FLT3LG: variants seen among roughly 807,000 people sequenced by gnomAD.
FLT3LG encodes fms-related tyrosine kinase 3 ligand.
In FLT3LG, 8 loss-of-function variants were observed where a neutral mutation model predicts 30.9. The observed-to-expected ratio is 0.26, with a 90% CI of 0.15 to 0.47. FLT3LG has a LOEUF of 0.47. Among genes scored for constraint, FLT3LG ranks in the 20% least tolerant of loss-of-function variants. FLT3LG has a pLI of 0.99. For missense variants in FLT3LG, 278 were observed against 306.2 expected, an observed-to-expected ratio of 0.91 and a Z score of 0.69; for synonymous variants, 123 against 135.9, an observed-to-expected ratio of 0.91 and a Z score of 0.66.
chr19:49,476,637 C>G lies in FLT3LG; in HGVS notation c.342+71C>G. On this transcript the variant is annotated intron_variant, in intron 5 of 8. Coordinates refer to ENST00000597551, the MANE Select transcript of FLT3LG (RefSeq NM_001459.4). This position sits in a 1 kb window ranked among gnomAD's most constrained non-coding sequence, Gnocchi z 5.3. ...CCTACGAATTAGAAGTAAAGCTCCA[C>G]TAGGCCTTATTGGCGATTTGGACCA... 1.3e-6 allele frequency: 2 copies of G among 1,599,396 alleles called. No homozygotes were observed. Among genetic ancestry groups the G allele is most frequent in the East Asian group, 2.2e-5 (1 of 44,778 alleles).
Position 49,476,275 on chromosome 19 carries a change from A to G in FLT3LG, c.198+77A>G. ...GATGCTCCACCGAGGCGAGTGGATA[A>G]CCAGGCCCTCCCCTCCCCAAACCCA... On this transcript the variant is annotated intron_variant, in intron 4 of 8. Transcript: ENST00000597551. The surrounding 1 kb of genome is among the most constrained non-coding windows in gnomAD (Gnocchi z 5.3). 6.9e-7 allele frequency: 1 copy of G among 1,454,802 alleles called. No individual in the cohort carries two copies. The allele number at this position is 1,454,802 out of a possible 1,614,324, so 90.1% of individuals were successfully genotyped here. A position where few individuals can be genotyped will look rare whatever the true frequency, so the allele number is the denominator to read the frequency against.
At chr19:49,475,943 C>A (rs2079379392) in intron 3 of FLT3LG, 142 bp downstream of exon 3, 1 of 1,032,272 alleles carries the variant, frequency 9.7e-7, no homozygotes, top group East Asian at 2.4e-5. Flanking sequence ...ACCTTGGCCT[C>A]CCAAAGTGCT....
At position 49,475,793 on chromosome 19, in the gene FLT3LG, C is replaced by T; in HGVS notation, c.136C>T (p.Arg46Cys). ...CTCCTCCGACTTCGCTGTCAAAATC[C>T]GTGAGCTGGTGAGCGGCGCTGCCCC... The part of the protein sequence containing the change: ...PISSDFAVKI[R>C]ELSDYLLQDY... The change falls in exon 3 of 9, where the codon CGT becomes TGT. Residue 46 changes from arginine to cysteine, a missense_variant. By Grantham distance (180) the Arg-to-Cys change is radical. This residue lies in a region of FLT3LG where 68 missense variants were observed against 110.0 expected (regional missense o/e 0.62). Transcript: ENST00000597551. The T allele has an allele frequency of 4.3e-6, 7 of 1,612,620 alleles. No homozygotes were observed. The highest frequency in any genetic ancestry group is 2.2e-5 in the East Asian group (1 of 44,876).
intron 8 of FLT3LG, 108 bp downstream of exon 8, chr19:49,480,728 A>G (rs1215979422): frequency 1.7e-6 from 2 of 1,188,376 alleles, no homozygotes; most frequent in South Asian, 1.4e-5. Context: ...GGGCAGCTCT[A>G]GGTGCAGAAA....
chr19:49,482,627 AT>A (rs59196692), intron 8 of FLT3LG, among the ~76,000 whole-genome samples: 1,560 of 141,118 alleles, frequency 0.011, 15 homozygotes, highest in Middle Eastern at 0.036. Context: ...TGGTAGCCAC[AT>A]TTTTTTTTTT....
In FLT3LG at chr19:49,480,210, G is replaced by T. The variant is rs1006572284; in HGVS notation, c.482-88G>T. On this transcript the variant is annotated intron_variant, in intron 6 of 8. Coordinates refer to ENST00000597551, the MANE Select transcript of FLT3LG (RefSeq NM_001459.4). ...CAGAGAGGCCAAGCAGCCCATCCAAGGTCACACAGCCAGTGGCAGCCAGGC... is the reference window on the plus strand; with the variant it reads ...CAGAGAGGCCAAGCAGCCCATCCAATGTCACACAGCCAGTGGCAGCCAGGC... 4 of 969,944 alleles carry T rather than the reference G, an allele frequency of 4.1e-6. No individual in the cohort carries two copies. The African/African-American group carries it at 6.6e-5, about 16-fold the overall frequency. The allele number at this position is 969,944 out of a possible 1,614,324, so 60.1% of individuals were successfully genotyped here.
In FLT3LG at chr19:49,474,748, G is replaced by C. The variant is rs1032888118; in HGVS notation, c.33+76G>C. 55 of 1,480,978 alleles carry C rather than the reference G, an allele frequency of 3.7e-5. No homozygotes were observed. The East Asian group carries it at 7.1e-4, about 19-fold the overall frequency. 91.7% of individuals were successfully genotyped at this position (1,480,978 alleles called of 1,614,324 possible). A position where few individuals can be genotyped will look rare whatever the true frequency, so the allele number is the denominator to read the frequency against. On this transcript the variant is annotated intron_variant, in intron 2 of 8. Transcript: ENST00000597551. ...GGATGGGGCAGAGATGAGGGGAGAT[G>C]GACGGGAGAACAGATGGACAGATGA... is the stretch of plus-strand genomic sequence containing the variant.
At chr19:49,483,123 T>G (rs1411824766) in intron 8 of FLT3LG, among the ~76,000 whole-genome samples, 1 of 151,992 alleles carries the variant, frequency 6.6e-6, no homozygotes, top group Non-Finnish European at 1.5e-5. Context: ...ATAGTTTATT[T>G]ATTTATTTAT....
chr19:49,474,349 G>A, intron 1 of FLT3LG, 68 bp downstream of exon 1: 1 of 563,336 alleles, frequency 1.8e-6, no homozygotes, highest in Non-Finnish European at 3.2e-6. Context: ...CTGGGGCAGG[G>A]GGAGCAGAGG....
intron 5 of FLT3LG, among the ~76,000 whole-genome samples, chr19:49,478,090 G>A (rs192408109): frequency 2.6e-5 from 4 of 151,460 alleles, no homozygotes; most frequent in Non-Finnish European, 5.9e-5. Flanking sequence ...CGAGGCGGGC[G>A]AGTCACCTGA....
chr19:49,477,366 C>A (rs2079429020), intron 5 of FLT3LG, among the ~76,000 whole-genome samples: 1 of 151,710 alleles, frequency 6.6e-6, no homozygotes, highest in Non-Finnish European at 1.5e-5. Flanking sequence ...ATCACTTGAG[C>A]CCTGGAGGTC....
At chr19:49,484,181 CCTAT>C (rs759243063) in intron 8 of FLT3LG, among the ~76,000 whole-genome samples, 30 of 150,296 alleles carry the variant, frequency 2.0e-4, no homozygotes, top group African/African-American at 7.0e-4. Flanking sequence ...CCACGCCCAG[CCTAT>C]CTTTTTTTTT....
At chr19:49,480,674 G>C in intron 8 of FLT3LG, 54 bp downstream of exon 8, 1 of 1,531,748 alleles carries the variant, frequency 6.5e-7, no homozygotes, top group Non-Finnish European at 8.9e-7. Flanking sequence ...GGTTGGGAGG[G>C]TCACTAGGAG....
At position 49,476,846 on chromosome 19, in the gene FLT3LG, G is replaced by A. The variant is rs919829924; in HGVS notation, c.342+280G>A. 1 of 407,124 alleles carries A rather than the reference G, an allele frequency of 2.5e-6. No homozygotes were observed. The highest frequency in any genetic ancestry group is 4.5e-6 in the Non-Finnish European group (1 of 223,428). 25.2% of individuals were successfully genotyped at this position (407,124 alleles called of 1,614,324 possible). ...CCCCCAAAAAAAAACAGGGAGAGAA[G>A]GGGTCTCTAAACTGAGGAGGCCGGG... On this transcript the variant is annotated intron_variant, in intron 5 of 8. Transcript: ENST00000597551. This position sits in a 1 kb window ranked among gnomAD's most constrained non-coding sequence, Gnocchi z 5.3.
chr19:49,480,600 C>A lies in FLT3LG; in HGVS notation c.*1C>A. The A allele has an allele frequency of 1.9e-6, 3 of 1,612,462 alleles. No homozygotes were observed. The highest frequency in any genetic ancestry group is 2.5e-6 in the Non-Finnish European group (3 of 1,179,408). The stretch of plus-strand genomic sequence containing the variant: ...GGACCTGCTGCTTGTGGAGCACTGA[C>A]CTGGCCAAGGCCTCATCCTGGTGAG... On this transcript the variant is annotated 3_prime_UTR_variant, in exon 8 of 9. Transcript: ENST00000597551.
At position 49,484,782 on chromosome 19, in the gene FLT3LG, G is replaced by A. The variant is rs563567557; in HGVS notation, c.*22-1233G>A. 1.5e-3 allele frequency among the ~76,000 whole-genome samples: 233 copies of A among 151,994 alleles called. 2 individuals carry two copies. Among genetic ancestry groups the A allele is most frequent in the African/African-American group, 5.3e-3 (218 of 41,436 alleles). ...AGTGATAGGATTACAGCCATGAGCC[G>A]CCCTGCCCAACTAATACCTGATATT... On this transcript the variant is annotated intron_variant, in intron 8 of 8. Coordinates refer to ENST00000597551, the MANE Select transcript of FLT3LG (RefSeq NM_001459.4).
intron 5 of FLT3LG, among the ~76,000 whole-genome samples, 191 bp from the exon 6 acceptor site, chr19:49,478,718 C>T (rs2122517253): frequency 6.6e-6 from 1 of 151,996 alleles, no homozygotes; most frequent in South Asian, 2.1e-4. Context: ...GGTTGCATTT[C>T]ACCACTCCAG....
In FLT3LG at chr19:49,480,291, T is replaced by G. The variant is rs940435471; in HGVS notation, c.482-7T>G. 2.6e-6 allele frequency: 4 copies of G among 1,567,542 alleles called. No individual in the cohort carries two copies. The highest frequency in any genetic ancestry group is 1.4e-5 in the African/African-American group (1 of 73,438). ...CCTTGGTCACCCAGCCTCCTCTTTC[T>G]CCCCAGACTCCTCAACCCTGCCACC... On this transcript the variant is annotated splice_region_variant and splice_polypyrimidine_tract_variant and intron_variant, in intron 6 of 8. Coordinates refer to ENST00000597551, the MANE Select transcript of FLT3LG (RefSeq NM_001459.4).
At chr19:49,483,714 CCT>C (rs2079693257) in intron 8 of FLT3LG, among the ~76,000 whole-genome samples, 1 of 150,796 alleles carries the variant, frequency 6.6e-6, no homozygotes, top group Non-Finnish European at 1.5e-5. Flanking sequence ...AGAGCAAGAC[CCT>C]GTCTCAAAAA....
Sources: gnomAD v4.1 joint callset for allele counts (sites outside exome capture counted in the v4.1 genomes callset) on GRCh38, gnomAD v4.1.1 for gene constraint, gnomAD v4.1.1 regional missense constraint, Gnocchi (gnomAD v3.1) non-coding constraint, MANE v1.5 for transcripts, NCBI Gene and HGNC (gene_info 2026-07-23, HGNC 2026-07-21) for gene names.